RNF157: variants seen among roughly 807,000 people sequenced by gnomAD.
The protein encoded by RNF157 is ring finger protein 157.
Under a neutral mutation model 88.3 loss-of-function variants are expected in RNF157, and 55 were observed. The ratio of observed to expected loss-of-function variants is 0.62; its 90% CI spans 0.50 to 0.78. RNF157 has a LOEUF of 0.78. Ranked by LOEUF, RNF157 falls within the 30% of genes least tolerant of loss-of-function variation. The pLI is 0.00. For synonymous variants in RNF157, 334 were observed against 341.2 expected (o/e 0.98, Z 0.23); for missense variants, 788 against 860.8 (o/e 0.92, Z 1.06).
chr17:76,168,428 A>ATTTTTTTTTTTT (rs55760274), intron 3 of RNF157, among the ~76,000 whole-genome samples: 1 of 141,810 alleles, frequency 7.1e-6, no homozygotes. Context: ...TGCTCATCCT[A>ATTTTTTTTTTTT]TTTTTTTTTT....
chr17:76,155,209 C>T (rs200595190), intron 16 of RNF157, 43 bp downstream of exon 16: 1 of 1,578,700 alleles, frequency 6.3e-7, no homozygotes, highest in East Asian at 2.2e-5. Context: ...CAGCACTCCT[C>T]TGGTTGTGGG....
In RNF157 at chr17:76,186,940, AAAATAAAT is replaced by A. The variant is rs201615839; in HGVS notation, c.208-13158_208-13151del. Among the ~76,000 whole-genome samples the A allele has an allele frequency of 5.9e-3, 832 of 140,896 alleles. 2 individuals are homozygous for A. The highest frequency in any genetic ancestry group is 0.016 in the African/African-American group (567 of 36,462). The allele number at this position is 140,896 out of a possible 152,430, so 92.4% of individuals were successfully genotyped here. A position where few individuals can be genotyped will look rare whatever the true frequency, so the allele number is the denominator to read the frequency against. ...GGGTGACAGAATGAGACTCCGACTC[AAAATAAAT>A]AAATAAATAAATAAATAAATAAATA... On this transcript the variant is annotated intron_variant, in intron 2 of 18. Coordinates refer to ENST00000269391, the MANE Select transcript of RNF157 (RefSeq NM_052916.3).
In RNF157 at chr17:76,167,007, ACCT is replaced by A; in HGVS notation, c.560_561+1del. 6.3e-7 allele frequency: 1 copy of A among 1,596,828 alleles called. No homozygotes were observed. Among genetic ancestry groups the A allele is most frequent in the Non-Finnish European group, 8.5e-7 (1 of 1,172,950 alleles). ...GGGAAACCCTCCCCAGAGGCAGCTC[ACCT>A]CCTCTTCGGCCCACTCGGAGGGATC... On this transcript the variant is annotated splice_donor_variant and coding_sequence_variant, in exon 5 of 19. Transcript: ENST00000269391. LOFTEE classifies it high-confidence loss of function.
chr17:76,206,377 C>A (rs1053530658), intron 2 of RNF157, among the ~76,000 whole-genome samples: 6 of 152,132 alleles, frequency 3.9e-5, no homozygotes, highest in African/African-American at 1.4e-4. Context: ...GCTCTTCTGC[C>A]ACCTAGGAAG....
intron 2 of RNF157, among the ~76,000 whole-genome samples, chr17:76,199,808 A>T (rs1285042317): frequency 6.6e-6 from 1 of 152,146 alleles, no homozygotes; most frequent in African/African-American, 2.4e-5. Flanking sequence ...CAACTCCATA[A>T]AACAGAGGGA....
chr17:76,235,236 C>T (rs866107309), intron 1 of RNF157, among the ~76,000 whole-genome samples: 20 of 147,292 alleles, frequency 1.4e-4, no homozygotes, highest in Middle Eastern at 3.6e-3. Context: ...CTCGCTCTGT[C>T]GCCCAGGCTG....
Position 76,240,380 on chromosome 17 carries a change from G to T in RNF157, c.-140C>A. ...TCCGCTGCGGCGCTGCGGCTCTGGC[G>T]GCGGGGAGCCCCCGGCGCGCCGCGC... On this transcript the variant is annotated 5_prime_UTR_variant, in exon 1 of 19. Transcript: ENST00000269391. The surrounding 1 kb of genome is among the most constrained non-coding windows in gnomAD (Gnocchi z 4.4). 5.1e-6 allele frequency: 1 copy of T among 195,480 alleles called. No individual in the cohort carries two copies. Among genetic ancestry groups the T allele is most frequent in the African/African-American group, 2.4e-5 (1 of 41,776 alleles). The allele number at this position is 195,480 out of a possible 1,614,324, so 12.1% of individuals were successfully genotyped here.
At chr17:76,223,189 CTTTTTT>C (rs753507516) in intron 1 of RNF157, among the ~76,000 whole-genome samples, 1 of 134,908 alleles carries the variant, frequency 7.4e-6, no homozygotes, top group East Asian at 2.1e-4. Context: ...CGCACCCGGC[CTTTTTT>C]TTTTTTTTTT....
chr17:76,167,184 C>A, intron 4 of RNF157, 58 bp from the exon 5 acceptor site: 1 of 1,209,710 alleles, frequency 8.3e-7, no homozygotes, highest in Non-Finnish European at 1.2e-6. Context: ...ATGGGTCTGA[C>A]AACTTCCTCT....
intron 1 of RNF157, among the ~76,000 whole-genome samples, chr17:76,214,902 T>C (rs927084015): frequency 6.6e-6 from 1 of 152,188 alleles, no homozygotes; most frequent in Non-Finnish European, 1.5e-5. Flanking sequence ...AAATTACATC[T>C]GGGAATACAT....
At chr17:76,233,716 A>G (rs2070234096) in intron 1 of RNF157, among the ~76,000 whole-genome samples, 1 of 152,086 alleles carries the variant, frequency 6.6e-6, no homozygotes, top group South Asian at 2.1e-4. Context: ...CAATTTTTGT[A>G]GAGACAGGGT....
intron 18 of RNF157, 64 bp downstream of exon 18, chr17:76,152,291 G>C (rs910236477): frequency 3.3e-5 from 35 of 1,058,328 alleles, no homozygotes; most frequent in Non-Finnish European, 4.9e-5. Flanking sequence ...ACCAGGGTGA[G>C]AGCAGGGGTA....
intron 2 of RNF157, among the ~76,000 whole-genome samples, chr17:76,197,549 C>G (rs762021841): frequency 6.7e-4 from 102 of 152,096 alleles, no homozygotes; most frequent in Non-Finnish European, 1.4e-3. Context: ...AGTCAGTAAG[C>G]TTCCTTTGGC....
At chr17:76,174,926 C>T (rs2069079897) in intron 2 of RNF157, among the ~76,000 whole-genome samples, 1 of 152,274 alleles carries the variant, frequency 6.6e-6, no homozygotes, top group African/African-American at 2.4e-5. Flanking sequence ...ATTAACCATA[C>T]ATTCTTTTAA....
intron 1 of RNF157, among the ~76,000 whole-genome samples, chr17:76,236,190 C>T (rs564808525): frequency 4.7e-4 from 72 of 152,248 alleles, no homozygotes; most frequent in Non-Finnish European, 5.3e-4. Flanking sequence ...AGTAGGTTTA[C>T]TTCTTAAAGA....
At chr17:76,226,916 TG>T (rs2070098998) in intron 1 of RNF157, 8 of 844,724 alleles carry the variant, frequency 9.5e-6, no homozygotes, top group African/African-American at 1.7e-5. Flanking sequence ...CTTAAGCCGC[TG>T]GGGGGTGCCG....
intron 2 of RNF157, chr17:76,212,116 G>A (rs2069812259): frequency 3.1e-6 from 1 of 323,284 alleles, no homozygotes; most frequent in Non-Finnish European, 5.6e-6. Context: ...AGGTGACAGG[G>A]AGAGATCTGT....
At chr17:76,175,011 A>G (rs996475825) in intron 2 of RNF157, among the ~76,000 whole-genome samples, 1 of 152,204 alleles carries the variant, frequency 6.6e-6, no homozygotes, top group Admixed American at 6.5e-5. Flanking sequence ...AAAGTACAAA[A>G]CTATCCCTAA....
chr17:76,239,548 A>AC (rs1312915041), intron 1 of RNF157, among the ~76,000 whole-genome samples: 2 of 36,372 alleles, frequency 5.5e-5, no homozygotes, highest in Non-Finnish European at 1.2e-4. Flanking sequence ...CACCCCCCCC[A>AC]CCCCCCGGCT....
Sources: gnomAD v4.1 joint callset for allele counts (sites outside exome capture counted in the v4.1 genomes callset) on GRCh38, gnomAD v4.1.1 for gene constraint, Gnocchi (gnomAD v3.1) non-coding constraint, MANE v1.5 for transcripts, NCBI Gene and HGNC (gene_info 2026-07-23, HGNC 2026-07-21) for gene names.